SPMIP2: variants seen among roughly 807,000 people sequenced by gnomAD.
SPMIP2 encodes sperm microtubule inner protein 2.
chr4:158,962,956 T>TG, the SPMIP2 span, among the ~76,000 whole-genome samples: 1 of 152,216 alleles, frequency 6.6e-6, no homozygotes, highest in Non-Finnish European at 1.5e-5. Context: ...AGTGATATCC[T>TG]GGTCTCTTTT....
At chr4:158,978,895 C>T in the SPMIP2 span, among the ~76,000 whole-genome samples, 7 of 151,990 alleles carry the variant, frequency 4.6e-5, no homozygotes, top group Non-Finnish European at 1.0e-4. Flanking sequence ...GTACTGAGTG[C>T]TGTGCTGGGA....
chr4:158,990,717 A>T, the SPMIP2 span, among the ~76,000 whole-genome samples: 1 of 152,132 alleles, frequency 6.6e-6, no homozygotes, highest in South Asian at 2.1e-4. Flanking sequence ...GGGAAACATC[A>T]CACATTGGGT....
chr4:159,020,796 C>CT, the SPMIP2 span, among the ~76,000 whole-genome samples: 1 of 152,218 alleles, frequency 6.6e-6, no homozygotes, highest in Non-Finnish European at 1.5e-5. Context: ...GTGTCTCACT[C>CT]TGTTGCCCAG....
chr4:158,948,452 A>G, the SPMIP2 span, among the ~76,000 whole-genome samples: 3 of 152,210 alleles, frequency 2.0e-5, no homozygotes. Context: ...AGTGTCTTCT[A>G]GAGTCCAGCA....
At chr4:158,989,093 GACAA>G in the SPMIP2 span, among the ~76,000 whole-genome samples, 4 of 152,100 alleles carry the variant, frequency 2.6e-5, no homozygotes, top group Admixed American at 6.6e-5. Context: ...ACCAATAACA[GACAA>G]ACAGACAGCC....
chr4:159,055,598 T>C, the SPMIP2 span, among the ~76,000 whole-genome samples: 11 of 152,130 alleles, frequency 7.2e-5, no homozygotes, highest in African/African-American at 2.7e-4. Flanking sequence ...TAGTCCCAGC[T>C]AATTGAGGAG....
At chr4:158,902,188 TG>T in the SPMIP2 span, among the ~76,000 whole-genome samples, 1 of 152,150 alleles carries the variant, frequency 6.6e-6, no homozygotes, top group Non-Finnish European at 1.5e-5. Flanking sequence ...ACGTCCTTTT[TG>T]TTGATGTTGA....
At chr4:158,996,171 A>G in the SPMIP2 span, among the ~76,000 whole-genome samples, 3 of 152,194 alleles carry the variant, frequency 2.0e-5, no homozygotes, top group African/African-American at 7.2e-5. Flanking sequence ...TGTAATCAAA[A>G]ATATAAAATT....
chr4:159,044,632 G>A, the SPMIP2 span, among the ~76,000 whole-genome samples: 1 of 152,128 alleles, frequency 6.6e-6, no homozygotes, highest in African/African-American at 2.4e-5. Context: ...AGGTGGAGAG[G>A]GACACACAGC....
the SPMIP2 span, among the ~76,000 whole-genome samples, chr4:158,976,835 T>C: frequency 6.6e-6 from 1 of 151,954 alleles, no homozygotes; most frequent in Non-Finnish European, 1.5e-5. Context: ...CTAATTTTTC[T>C]ATTTTTAGTA....
the SPMIP2 span, among the ~76,000 whole-genome samples, chr4:158,937,073 T>G: frequency 6.6e-6 from 1 of 152,216 alleles, no homozygotes; most frequent in East Asian, 1.9e-4. Flanking sequence ...TTTAGACGTA[T>G]CATCATTGAG....
At chr4:158,989,352 T>C in the SPMIP2 span, among the ~76,000 whole-genome samples, 1 of 152,070 alleles carries the variant, frequency 6.6e-6, no homozygotes, top group South Asian at 2.1e-4. Context: ...CAAGCTACCA[T>C]TGACTTTAAC....
At chr4:158,953,055 A>C in the SPMIP2 span, among the ~76,000 whole-genome samples, 2 of 152,152 alleles carry the variant, frequency 1.3e-5, no homozygotes, top group African/African-American at 4.8e-5. Flanking sequence ...AGAAAAACCC[A>C]TTTTCTGACA....
the SPMIP2 span, among the ~76,000 whole-genome samples, chr4:158,920,926 G>A: frequency 6.6e-6 from 1 of 152,152 alleles, no homozygotes; most frequent in African/African-American, 2.4e-5. Context: ...AAACTTGCTG[G>A]TTTGAGGCTC....
At chr4:158,953,880 A>G in the SPMIP2 span, among the ~76,000 whole-genome samples, 2 of 152,040 alleles carry the variant, frequency 1.3e-5, no homozygotes. Context: ...GTTTTGGCCA[A>G]TTTCTCCCAT....
At chr4:159,080,625 A>G in the SPMIP2 span, among the ~76,000 whole-genome samples, 1 of 152,198 alleles carries the variant, frequency 6.6e-6, no homozygotes, top group African/African-American at 2.4e-5. Context: ...TCCTCATATG[A>G]GTGCCCCCCA....
chr4:159,013,320 T>C, the SPMIP2 span, among the ~76,000 whole-genome samples: 1 of 152,116 alleles, frequency 6.6e-6, no homozygotes, highest in African/African-American at 2.4e-5. Context: ...AGCCAAGAGG[T>C]ACAGAGGCAA....
chr4:158,925,663 G>T, the SPMIP2 span, among the ~76,000 whole-genome samples: 1 of 152,194 alleles, frequency 6.6e-6, no homozygotes, highest in Non-Finnish European at 1.5e-5. Context: ...TGCTGCCACT[G>T]ATCTGACAGG....
At chr4:158,971,998 T>C in the SPMIP2 span, among the ~76,000 whole-genome samples, 1 of 152,152 alleles carries the variant, frequency 6.6e-6, no homozygotes, top group East Asian at 1.9e-4. Context: ...GAGCTAGACC[T>C]AAATCAGAGT....
Sources: allele counts gnomAD v4.1 joint callset (sites outside exome capture counted in the v4.1 genomes callset), GRCh38; gene constraint gnomAD v4.1.1; transcripts MANE v1.5; gene names NCBI Gene and HGNC (gene_info 2026-07-23, HGNC 2026-07-21).